Variants in MAVS observed in about 807,000 individuals in gnomAD.
MAVS encodes mitochondrial antiviral signaling protein.
MAVS carries 20 observed loss-of-function variants against 30.2 expected under a neutral mutation model. The observed-to-expected ratio is 0.66, with a 90% CI of 0.47 to 0.96. MAVS has a LOEUF of 0.96. MAVS is among the 40% of genes least tolerant of loss of function. The probability of loss-of-function intolerance (pLI) is 0.00; values close to 1 mark genes in which losing one functional copy is unlikely to be tolerated. For missense variants in MAVS, 624 were observed against 701.1 expected (o/e 0.89, Z 1.24); for synonymous variants, 278 against 293.9 (o/e 0.95, Z 0.55).
chr20:3,856,557 G>T (rs945311128), intron 2 of MAVS, among the ~76,000 whole-genome samples: 4 of 151,310 alleles, frequency 2.6e-5, no homozygotes, highest in Non-Finnish European at 4.4e-5. Flanking sequence ...TCACCATGTT[G>T]GTCAGGCTGG....
At chr20:3,857,558 C>CT (rs11087609) in intron 2 of MAVS, 77 bp from the exon 3 acceptor site, 605,816 of 1,522,150 alleles carry the variant, frequency 0.4, 129,225 homozygotes, top group East Asian at 0.77. Context: ...CCCCTCCCCC[C>CT]GCTGTGGCTT....
chr20:3,854,583 C>A lies in MAVS; in HGVS notation c.-42C>A. ...TCTCGTTTCCTCTCAGTCCATCCAC[C>A]CTTCATGGGGCCAGAGCCCTCTCTC... On this transcript the variant is annotated 5_prime_UTR_variant, in exon 2 of 7. Transcript: ENST00000428216. 7.0e-7 allele frequency: 1 copy of A among 1,422,264 alleles called. No individual in the cohort carries two copies. Among genetic ancestry groups the A allele is most frequent in the South Asian group, 1.2e-5 (1 of 84,234 alleles). The allele number at this position is 1,422,264 out of a possible 1,614,324, so 88.1% of individuals were successfully genotyped here. A position where few individuals can be genotyped will look rare whatever the true frequency, so the allele number is the denominator to read the frequency against.
intron 1 of MAVS, among the ~76,000 whole-genome samples, chr20:3,847,981 C>T (rs956860866): frequency 1.3e-5 from 2 of 152,196 alleles, no homozygotes; most frequent in Non-Finnish European, 2.9e-5. Context: ...GCTTCCTTTC[C>T]TTTTGTTTGG....
chr20:3,863,141 G>A (rs570738580), intron 5 of MAVS, among the ~76,000 whole-genome samples: 3 of 152,288 alleles, frequency 2.0e-5, no homozygotes, highest in African/African-American at 7.2e-5. Context: ...CTGTCTTACC[G>A]CAGAGATCTC....
At chr20:3,858,507 G>A (rs986746378) in intron 3 of MAVS, among the ~76,000 whole-genome samples, 11 of 151,670 alleles carry the variant, frequency 7.3e-5, no homozygotes, top group Non-Finnish European at 1.3e-4. Flanking sequence ...GTGAAACCCC[G>A]TCTCTACTAA....
intron 2 of MAVS, among the ~76,000 whole-genome samples, chr20:3,856,300 C>T (rs2089809688): frequency 6.6e-6 from 1 of 151,650 alleles, no homozygotes; most frequent in Non-Finnish European, 1.5e-5. Flanking sequence ...ATGATCCACC[C>T]GCCTCGGCCT....
In MAVS at chr20:3,857,626, G is replaced by A. The variant is rs1382424940; in HGVS notation, c.118-9G>A. 1.9e-6 allele frequency: 3 copies of A among 1,604,676 alleles called. No individual in the cohort carries two copies. The highest frequency in any genetic ancestry group is 3.3e-5 in the Admixed American group (2 of 59,782). Reference sequence around the variant, plus strand: ...GGCTTGAGCAGGACAGTGGCATTGTGTCTTCCAGGATCGACTGCGGGCCAC... The same window carrying A: ...GGCTTGAGCAGGACAGTGGCATTGTATCTTCCAGGATCGACTGCGGGCCAC... On this transcript the variant is annotated splice_polypyrimidine_tract_variant and intron_variant, in intron 2 of 6. Coordinates refer to ENST00000428216, the MANE Select transcript of MAVS (RefSeq NM_020746.5).
In MAVS at chr20:3,875,387, C is replaced by T. The variant is rs1424254148; in HGVS notation, c.*9240C>T. The T allele has an allele frequency of 1.3e-5, 2 of 151,740 alleles. No individual in the cohort carries two copies. Among genetic ancestry groups the T allele is most frequent in the Non-Finnish European group, 2.9e-5 (2 of 67,956 alleles). The allele number at this position is 151,740 out of a possible 1,614,324, so 9.4% of individuals were successfully genotyped here. On this transcript the variant is annotated 3_prime_UTR_variant, in exon 7 of 7. Coordinates refer to ENST00000428216, the MANE Select transcript of MAVS (RefSeq NM_020746.5). ...CTATGATCTCACCACTGTACTCCAGCCTGGGTGACAGAGCGAGACCCAGAC... is the reference window on the plus strand; with the variant it reads ...CTATGATCTCACCACTGTACTCCAGTCTGGGTGACAGAGCGAGACCCAGAC...
chr20:3,852,834 ATTTTTTTTTT>A (rs57163061), intron 1 of MAVS, among the ~76,000 whole-genome samples: 1 of 107,488 alleles, frequency 9.3e-6, no homozygotes, highest in Non-Finnish European at 1.8e-5. Context: ...ATTCTGCAGA[ATTTTTTTTTT>A]TTTTTTTTTT....
rs2089896745 is a variant in MAVS, at chr20:3,865,139, TGG to T, written c.1158+352_1158+353del. ...GGAAGCAGTGACGGGGACAGCACAGTGGCCCATCTGCCTCTTGCCTTGCTCTT... is the reference window on the plus strand; with the variant it reads ...GGAAGCAGTGACGGGGACAGCACAGTCCCATCTGCCTCTTGCCTTGCTCTT... On this transcript the variant is annotated intron_variant, in intron 6 of 6. Coordinates refer to ENST00000428216, the MANE Select transcript of MAVS (RefSeq NM_020746.5). The surrounding 1 kb of genome is among the most constrained non-coding windows in gnomAD (Gnocchi z 4.7). Among the ~76,000 whole-genome samples the T allele has an allele frequency of 6.6e-6, 1 of 152,222 alleles. No homozygotes were observed. Among genetic ancestry groups the T allele is most frequent in the Non-Finnish European group, 1.5e-5 (1 of 68,044 alleles).
intron 1 of MAVS, among the ~76,000 whole-genome samples, chr20:3,850,831 AGCCGAGATT>A (rs1370113601): frequency 6.7e-6 from 1 of 149,136 alleles, no homozygotes; most frequent in Non-Finnish European, 1.5e-5. Flanking sequence ...GCTTGCAGTG[AGCCGAGATT>A]GCACCACAGC....
At position 3,875,054 on chromosome 20, in the gene MAVS, CTCTT is replaced by C. The variant is rs1463480279; in HGVS notation, c.*8909_*8912del. On this transcript the variant is annotated 3_prime_UTR_variant, in exon 7 of 7. Transcript: ENST00000428216. The stretch of plus-strand genomic sequence containing the variant: ...TACAGGAAACCTTGATTAGACCCCT[CTCTT>C]TATTAAGCTTCCTAAGATCAAACCC... The C allele has an allele frequency of 1.3e-5, 2 of 152,340 alleles. No individual in the cohort carries two copies. Among genetic ancestry groups the C allele is most frequent in the Non-Finnish European group, 2.9e-5 (2 of 68,038 alleles). 9.4% of individuals were successfully genotyped at this position (152,340 alleles called of 1,614,324 possible). A position where few individuals can be genotyped will look rare whatever the true frequency, so the allele number is the denominator to read the frequency against.
At chr20:3,860,177 G>T (rs557514752) in intron 3 of MAVS, among the ~76,000 whole-genome samples, 1 of 152,028 alleles carries the variant, frequency 6.6e-6, no homozygotes, top group South Asian at 2.1e-4. Context: ...TATGGGTGGG[G>T]CGGGGGGTGT....
rs1359559740 is a variant in MAVS, at chr20:3,865,177, C to T, written c.1158+389C>T. On this transcript the variant is annotated intron_variant, in intron 6 of 6. Transcript: ENST00000428216. This position sits in a 1 kb window ranked among gnomAD's most constrained non-coding sequence, Gnocchi z 4.7. ...TCTTGCCTTGCTCTTCACCAGGATGCCTGGTGTGTCCCTCCATGGCCAGGC... is the reference window on the plus strand; with the variant it reads ...TCTTGCCTTGCTCTTCACCAGGATGTCTGGTGTGTCCCTCCATGGCCAGGC... Among the ~76,000 whole-genome samples the T allele has an allele frequency of 6.6e-6, 1 of 152,214 alleles. No homozygotes were observed. The highest frequency in any genetic ancestry group is 2.4e-5 in the African/African-American group (1 of 41,438).
In MAVS at chr20:3,854,668, A is replaced by T. The variant is rs569887649; in HGVS notation, c.44A>T (p.Asn15Ile). 1 of 1,613,922 alleles carries T rather than the reference A, an allele frequency of 6.2e-7. No homozygotes were observed. The highest frequency in any genetic ancestry group is 1.1e-5 in the South Asian group (1 of 91,070). Residue 15 changes from asparagine to isoleucine, a missense_variant, in exon 2 of 7, where the codon AAT becomes ATT. Asn to Ile is a moderately radical substitution (Grantham distance 149). Transcript: ENST00000428216. ...AAGACCTATAAGTATATCTGCCGCA[A>T]TTTCAGCAATTTTTGCAATGTGGAT... ...EDKTYKYICR[N>I]FSNFCNVDVV...
At position 3,852,967 on chromosome 20, in the gene MAVS, T is replaced by C. The variant is rs536268421; in HGVS notation, c.-67-1591T>C. On this transcript the variant is annotated intron_variant, in intron 1 of 6. Coordinates refer to ENST00000428216, the MANE Select transcript of MAVS (RefSeq NM_020746.5). ...CAATTCTCTGTCTCAGCTTCCTGAA[T>C]AGCTGGGACTGCAGGCGCCCGCCAC... Among the ~76,000 whole-genome samples, 4 of 150,070 alleles carry C rather than the reference T, an allele frequency of 2.7e-5. 1 individual carries two copies. In the South Asian group the frequency reaches 8.6e-4, roughly 32 times the overall value.
intron 3 of MAVS, 47 bp from the exon 4 acceptor site, chr20:3,861,285 G>A (rs758999005): frequency 1.3e-6 from 2 of 1,558,570 alleles, no homozygotes; most frequent in Non-Finnish European, 8.7e-7. Flanking sequence ...GAGCCACTGT[G>A]CCCAGCCCTG....
chr20:3,862,149 C>T, intron 4 of MAVS, 105 bp from the exon 5 acceptor site: 3 of 1,328,072 alleles, frequency 2.3e-6, no homozygotes, highest in Non-Finnish European at 3.1e-6. Context: ...TCCTGTGCTC[C>T]ATGGTGTGGG....
chr20:3,850,055 G>T (rs1461536427), intron 1 of MAVS, among the ~76,000 whole-genome samples: 1 of 151,816 alleles, frequency 6.6e-6, no homozygotes, highest in African/African-American at 2.4e-5. Context: ...GAGGCGGGCA[G>T]ATCACGAGGT....
Sources: allele counts gnomAD v4.1 joint callset (sites outside exome capture counted in the v4.1 genomes callset), GRCh38; gene constraint gnomAD v4.1.1; non-coding constraint Gnocchi (gnomAD v3.1); transcripts MANE v1.5; gene names NCBI Gene and HGNC (gene_info 2026-07-23, HGNC 2026-07-21).